Variants in NLK observed in about 807,000 individuals in gnomAD.
NLK encodes serine/threonine-protein kinase NLK.
A neutral mutation model predicts 59.0 loss-of-function variants in NLK; 11 were observed. The ratio of observed to expected loss-of-function variants is 0.19; its 90% CI spans 0.12 to 0.31. The LOEUF (loss-of-function observed/expected upper bound fraction) is 0.31. Ranked by LOEUF, NLK falls within the 10% of genes least tolerant of loss-of-function variation. The pLI is 1.00. For synonymous variants in NLK, 235 were observed against 235.9 expected (o/e 1.00, Z 0.03); for missense variants, 410 against 661.1 (o/e 0.62, Z 4.16).
At chr17:28,201,751 C>T in the NLK span, among the ~76,000 whole-genome samples, 2 of 152,152 alleles carry the variant, frequency 1.3e-5, no homozygotes, top group African/African-American at 4.8e-5. Flanking sequence ...CACAGTGGCT[C>T]ACACCTGTAA....
At chr17:28,152,892 G>C (rs1907541832) in intron 3 of NLK, among the ~76,000 whole-genome samples, 1 of 151,994 alleles carries the variant, frequency 6.6e-6, no homozygotes, top group Non-Finnish European at 1.5e-5. Context: ...CCAAAATGTT[G>C]GGATTACAGG....
intron 8 of NLK, among the ~76,000 whole-genome samples, chr17:28,185,935 C>G (rs550535797): frequency 1.6e-4 from 25 of 152,098 alleles, no homozygotes; most frequent in Non-Finnish European, 3.4e-4. Flanking sequence ...GAAGCTTTTC[C>G]CAATACCCTT....
intron 1 of NLK, among the ~76,000 whole-genome samples, chr17:28,093,680 A>G (rs1202561295): frequency 6.6e-6 from 1 of 152,160 alleles, no homozygotes; most frequent in Non-Finnish European, 1.5e-5. Context: ...TCTGACATCA[A>G]CTCTCAAACT....
chr17:28,202,049 TGATA>T, the NLK span, among the ~76,000 whole-genome samples: 1 of 151,908 alleles, frequency 6.6e-6, no homozygotes, highest in Non-Finnish European at 1.5e-5. Context: ...TGATATTGAT[TGATA>T]GAGAAAAACT....
chr17:28,051,277 ATT>A (rs1909244431), intron 1 of NLK, among the ~76,000 whole-genome samples: 1 of 151,376 alleles, frequency 6.6e-6, no homozygotes, highest in Non-Finnish European at 1.5e-5. Flanking sequence ...TCCAAATCTC[ATT>A]TGTTTGTTTG....
At chr17:28,155,576 T>C (rs1907668378) in intron 3 of NLK, among the ~76,000 whole-genome samples, 1 of 152,180 alleles carries the variant, frequency 6.6e-6, no homozygotes, top group Non-Finnish European at 1.5e-5. Context: ...GTGGCACATA[T>C]ACACCATGGA....
chr17:28,046,387 G>A (rs554653930), intron 1 of NLK, among the ~76,000 whole-genome samples: 1 of 152,314 alleles, frequency 6.6e-6, no homozygotes, highest in East Asian at 1.9e-4. Context: ...CAAAGTAAGA[G>A]TTCCAGTTTA....
intron 3 of NLK, among the ~76,000 whole-genome samples, chr17:28,147,297 AATC>A (rs1363145294): frequency 6.6e-6 from 1 of 152,170 alleles, no homozygotes; most frequent in African/African-American, 2.4e-5. Flanking sequence ...AAAAGTACTC[AATC>A]ATCTTATTTA....
At chr17:28,203,124 C>T in the NLK span, among the ~76,000 whole-genome samples, 4 of 150,288 alleles carry the variant, frequency 2.7e-5, no homozygotes, top group Non-Finnish European at 4.4e-5. Flanking sequence ...AAAATAAACA[C>T]GCAAACACGT....
intron 1 of NLK, among the ~76,000 whole-genome samples, chr17:28,077,689 G>A (rs529628334): frequency 6.6e-6 from 1 of 152,276 alleles, no homozygotes; most frequent in Admixed American, 6.5e-5. Flanking sequence ...TGCCGAGAAT[G>A]CCATTATATT....
At chr17:28,144,262 G>GCAA in intron 3 of NLK, among the ~76,000 whole-genome samples, 1 of 152,110 alleles carries the variant, frequency 6.6e-6, no homozygotes, top group African/African-American at 2.4e-5. Context: ...CAAATCCTGA[G>GCAA]ATTGTTTTAA....
intron 1 of NLK, among the ~76,000 whole-genome samples, chr17:28,095,889 A>G (rs922181989): frequency 3.3e-5 from 5 of 152,136 alleles, no homozygotes; most frequent in African/African-American, 9.7e-5. Context: ...CTTTTTCCCA[A>G]GTGTGTTCCT....
At position 28,195,337 on chromosome 17, in the gene NLK, A is replaced by C. The variant is rs1909451148; in HGVS notation, c.*701A>C. 1 of 151,012 alleles carries C rather than the reference A, an allele frequency of 6.6e-6. No homozygotes were observed. Among genetic ancestry groups the C allele is most frequent in the African/African-American group, 2.4e-5 (1 of 41,250 alleles). 9.4% of individuals were successfully genotyped at this position (151,012 alleles called of 1,614,324 possible). On this transcript the variant is annotated 3_prime_UTR_variant, in exon 11 of 11. Transcript: ENST00000407008. ...GTATAAATATATATATATATATTTA[A>C]TCTATTTTTATTAGAAGTTTTTCTG...
At chr17:28,184,377 A>G (rs2142068281) in intron 7 of NLK, among the ~76,000 whole-genome samples, 1 of 152,222 alleles carries the variant, frequency 6.6e-6, no homozygotes, top group East Asian at 1.9e-4. Flanking sequence ...TTTGATTATC[A>G]TTCTTGCCAA....
chr17:28,123,249 GA>G (rs1906145054), intron 2 of NLK, among the ~76,000 whole-genome samples: 6 of 152,270 alleles, frequency 3.9e-5, no homozygotes, highest in African/African-American at 1.4e-4. Flanking sequence ...TTGTCAATCT[GA>G]ATGTCTTTTT....
intron 1 of NLK, among the ~76,000 whole-genome samples, chr17:28,107,322 C>A (rs1905225528): frequency 6.6e-6 from 1 of 151,994 alleles, no homozygotes; most frequent in Non-Finnish European, 1.5e-5. Flanking sequence ...GTAATCCCAG[C>A]TACTCGGGAG....
intron 1 of NLK, among the ~76,000 whole-genome samples, chr17:28,113,274 G>C (rs551578185): frequency 2.6e-5 from 4 of 152,274 alleles, no homozygotes; most frequent in African/African-American, 9.6e-5. Flanking sequence ...GAAGTCCCCT[G>C]TGCCCTCTGG....
chr17:28,096,286 A>C (rs1325095101), intron 1 of NLK, among the ~76,000 whole-genome samples: 1 of 152,236 alleles, frequency 6.6e-6, no homozygotes, highest in East Asian at 1.9e-4. Context: ...CTACTATGTA[A>C]AATTATAATT....
chr17:28,152,918 C>T (rs1465414947), intron 3 of NLK, among the ~76,000 whole-genome samples: 1 of 152,078 alleles, frequency 6.6e-6, no homozygotes, highest in East Asian at 1.9e-4. Flanking sequence ...GCCACCATGC[C>T]TGGCCATTGG....
Sources: allele counts gnomAD v4.1 joint callset (sites outside exome capture counted in the v4.1 genomes callset), GRCh38; gene constraint gnomAD v4.1.1; transcripts MANE v1.5; gene names NCBI Gene and HGNC (gene_info 2026-07-23, HGNC 2026-07-21).